Variants in UBASH3B observed in about 807,000 individuals in gnomAD.
The protein encoded by UBASH3B is ubiquitin-associated and SH3 domain-containing protein B.
In UBASH3B, 37 loss-of-function variants were observed where a neutral mutation model predicts 83.4. The ratio of observed to expected loss-of-function variants is 0.44; its 90% confidence interval spans 0.34 to 0.58. UBASH3B has a LOEUF of 0.58. Ranked by LOEUF, UBASH3B falls within the 20% of genes least tolerant of loss-of-function variation. The probability of loss-of-function intolerance (pLI) is 0.01; values close to 1 mark genes in which losing one functional copy is unlikely to be tolerated. For synonymous variants in UBASH3B, 304 were observed against 318.3 expected (o/e 0.96, Z 0.48); for missense variants, 657 against 827.2 (o/e 0.79, Z 2.52).
At position 122,809,924 on chromosome 11, in the gene UBASH3B, T is replaced by A; in HGVS notation, c.*38T>A. The A allele has an allele frequency of 6.3e-7, 1 of 1,599,994 alleles. No homozygotes were observed. The highest frequency in any genetic ancestry group is 8.5e-7 in the Non-Finnish European group (1 of 1,174,886). Reference sequence around the variant, plus strand: ...AACAAGAAGGAAAGGCCTTTTGGAGTGTGTCTTTCTGTGTGTTTAAAAACA... The same window carrying A: ...AACAAGAAGGAAAGGCCTTTTGGAGAGTGTCTTTCTGTGTGTTTAAAAACA... On this transcript the variant is annotated 3_prime_UTR_variant, in exon 14 of 14. Transcript: ENST00000284273.
intron 1 of UBASH3B, among the ~76,000 whole-genome samples, chr11:122,729,607 G>A (rs1329675888): frequency 6.6e-6 from 1 of 151,712 alleles, no homozygotes; most frequent in East Asian, 1.9e-4. Context: ...AATACTCTAG[G>A]GTAAATAAAT....
At chr11:122,675,884 A>G (rs1458954167) in intron 1 of UBASH3B, among the ~76,000 whole-genome samples, 2 of 152,246 alleles carry the variant, frequency 1.3e-5, no homozygotes, top group African/African-American at 4.8e-5. Context: ...AGAGAGAGTG[A>G]GAGCTTACAT....
Position 122,755,523 on chromosome 11 carries a change from G to T in UBASH3B, c.162-20696G>T, listed in dbSNP as rs146076957. Among the ~76,000 whole-genome samples the T allele has an allele frequency of 1.6e-3, 245 of 152,172 alleles. 2 individuals are homozygous for T. The highest frequency in any genetic ancestry group is 5.8e-3 in the African/African-American group (242 of 41,534). The stretch of plus-strand genomic sequence containing the variant: ...GCTTTGCCTGGCCAGGTTCAAAAAA[G>T]CCTCCACCATGAATGAAAATGGCTC... On this transcript the variant is annotated intron_variant, in intron 1 of 13. Transcript: ENST00000284273.
chr11:122,765,739 A>G (rs1192111169), intron 1 of UBASH3B, among the ~76,000 whole-genome samples: 1 of 152,112 alleles, frequency 6.6e-6, no homozygotes, highest in Non-Finnish European at 1.5e-5. Context: ...TTATCTCCAT[A>G]TAAGTCTTTT....
intron 1 of UBASH3B, 107 bp from the exon 2 acceptor site, chr11:122,776,112 T>C (rs1860728719): frequency 2.0e-6 from 2 of 977,930 alleles, no homozygotes. Flanking sequence ...CACAGAGGAT[T>C]GAGTGGAACA....
At chr11:122,661,546 G>A (rs1351539587) in intron 1 of UBASH3B, among the ~76,000 whole-genome samples, 4 of 152,170 alleles carry the variant, frequency 2.6e-5, no homozygotes, top group Admixed American at 6.5e-5. Context: ...TGGAGCTGAA[G>A]GGCTCTTATA....
At chr11:122,662,552 C>T (rs1863459942) in intron 1 of UBASH3B, among the ~76,000 whole-genome samples, 1 of 152,072 alleles carries the variant, frequency 6.6e-6, no homozygotes, top group African/African-American at 2.4e-5. Context: ...CTGCCTCAGC[C>T]TCCCAAGTAG....
intron 1 of UBASH3B, among the ~76,000 whole-genome samples, chr11:122,712,903 T>A (rs1255100330): frequency 1.1e-5 from 1 of 89,636 alleles, no homozygotes; most frequent in African/African-American, 4.6e-5. Flanking sequence ...GTGGTTTTTT[T>A]TTTTTTTTTT....
intron 1 of UBASH3B, among the ~76,000 whole-genome samples, chr11:122,714,860 C>T (rs1860482388): frequency 6.6e-6 from 1 of 152,196 alleles, no homozygotes; most frequent in South Asian, 2.1e-4. Flanking sequence ...TTTACCTTCT[C>T]CTTCTCTCAT....
chr11:122,664,557 T>G (rs772326090), intron 1 of UBASH3B, among the ~76,000 whole-genome samples: 77 of 152,160 alleles, frequency 5.1e-4, no homozygotes, highest in Non-Finnish European at 7.2e-4. Context: ...CCCTGGAGGA[T>G]GGGTGGGTAG....
chr11:122,774,505 G>C (rs1565560005), intron 1 of UBASH3B, among the ~76,000 whole-genome samples: 1 of 152,180 alleles, frequency 6.6e-6, no homozygotes, highest in Non-Finnish European at 1.5e-5. Context: ...GAAGAAGTTG[G>C]GTTCACAGAT....
chr11:122,716,093 C>T (rs971701459), intron 1 of UBASH3B, among the ~76,000 whole-genome samples: 2 of 152,188 alleles, frequency 1.3e-5, no homozygotes, highest in Non-Finnish European at 2.9e-5. Flanking sequence ...TGCAGTGTCC[C>T]TCTGTGGGGG....
At chr11:122,700,909 A>G (rs1864033397) in intron 1 of UBASH3B, among the ~76,000 whole-genome samples, 1 of 152,232 alleles carries the variant, frequency 6.6e-6, no homozygotes. Flanking sequence ...CCAGACAGGG[A>G]TGTGCTATGT....
chr11:122,763,823 G>C (rs1413917611), intron 1 of UBASH3B, among the ~76,000 whole-genome samples: 2 of 152,080 alleles, frequency 1.3e-5, no homozygotes, highest in East Asian at 3.9e-4. Context: ...CATTATGGTT[G>C]ATATTTACTG....
intron 12 of UBASH3B, among the ~76,000 whole-genome samples, chr11:122,807,556 A>G (rs1049367241): frequency 3.9e-5 from 6 of 151,936 alleles, no homozygotes; most frequent in Non-Finnish European, 8.8e-5. Context: ...CATAATTATT[A>G]TTATTATTTT....
chr11:122,794,869 T>C (rs1303852735), intron 7 of UBASH3B, 35 bp downstream of exon 7: 1 of 1,610,424 alleles, frequency 6.2e-7, no homozygotes, highest in Non-Finnish European at 8.5e-7. Context: ...CCCCCAACTC[T>C]AACCAGGATT....
At chr11:122,765,670 CGCCTGATGGATCTCTG>C (rs1400528940) in intron 1 of UBASH3B, among the ~76,000 whole-genome samples, 1 of 152,176 alleles carries the variant, frequency 6.6e-6, no homozygotes, top group Non-Finnish European at 1.5e-5. Flanking sequence ...TGGCAACCAC[CGCCTGATGGATCTCTG>C]GCTCTCAGCC....
chr11:122,713,816 T>C (rs1264022145), intron 1 of UBASH3B, among the ~76,000 whole-genome samples: 1 of 151,392 alleles, frequency 6.6e-6, no homozygotes, highest in Non-Finnish European at 1.5e-5. Context: ...TTGGGGAACA[T>C]GGGAATCTGT....
At chr11:122,743,333 G>A (rs147659925) in intron 1 of UBASH3B, among the ~76,000 whole-genome samples, 63 of 152,216 alleles carry the variant, frequency 4.1e-4, no homozygotes, top group Middle Eastern at 3.4e-3. Flanking sequence ...CTCCCACTCA[G>A]CCTCTCAAGT....
Sources: gnomAD v4.1 joint callset for allele counts (sites outside exome capture counted in the v4.1 genomes callset) on GRCh38, gnomAD v4.1.1 for gene constraint, MANE v1.5 for transcripts, NCBI Gene and HGNC (gene_info 2026-07-23, HGNC 2026-07-21) for gene names.